The following PLCB4 variants were observed in gnomAD, a reference collection of about 807,000 sequenced individuals.
PLCB4 encodes the protein 1-phosphatidylinositol 4,5-bisphosphate phosphodiesterase beta-4.
A neutral mutation model predicts 178.8 loss-of-function variants in PLCB4; 77 were observed. That is an observed-to-expected ratio of 0.43 (90% CI 0.36 to 0.52). The LOEUF is 0.52. Among genes scored for constraint, PLCB4 ranks in the 20% least tolerant of loss-of-function variants. The probability of loss-of-function intolerance (pLI) is 0.00; values close to 1 mark genes in which losing one functional copy is unlikely to be tolerated. For missense variants in PLCB4, 1,024 were observed against 1,453.4 expected (o/e 0.70, Z 4.80); for synonymous variants, 496 against 490.8 (o/e 1.01, Z -0.14).
At chr20:9,467,377 T>C (rs146501727) in intron 35 of PLCB4, among the ~76,000 whole-genome samples, 1,537 of 152,292 alleles carry the variant, frequency 0.01, 25 homozygotes, top group African/African-American at 0.035. Context: ...TGTATACCTA[T>C]GTATCAATCC....
intron 4 of PLCB4, among the ~76,000 whole-genome samples, chr20:9,328,462 C>T (rs551629853): frequency 1.1e-4 from 16 of 152,154 alleles, no homozygotes; most frequent in East Asian, 1.9e-4. Context: ...GTAGGATTCA[C>T]GGGGAATCCA....
rs770400599 is a variant in PLCB4, at chr20:9,453,419, T to A, written c.2953T>A (p.Ser985Thr). ...TGTGGCACAGTATGACAAAGAGAAG[T>A]CGACTCATGAGAAAATCCTAGAGAA... ...KIVAQYDKEK[S>T]THEKILEKAM... The change falls in exon 33 of 40, where the codon TCG (serine) becomes ACG (threonine). Residue 985 changes from serine (S) to threonine (T), a missense_variant. Transcript: ENST00000378473. The A allele has an allele frequency of 6.8e-6, 11 of 1,612,114 alleles. No individual in the cohort carries two copies. The African/African-American group carries it at 1.5e-4, about 22-fold the overall frequency.
At chr20:9,345,831 T>A (rs1318746544) in intron 7 of PLCB4, among the ~76,000 whole-genome samples, 5 of 152,218 alleles carry the variant, frequency 3.3e-5, no homozygotes, top group African/African-American at 9.6e-5. Flanking sequence ...TCAGGTTATT[T>A]GTTACCAGTA....
At chr20:9,295,754 G>T (rs1411031090) in intron 3 of PLCB4, among the ~76,000 whole-genome samples, 1 of 151,998 alleles carries the variant, frequency 6.6e-6, no homozygotes, top group African/African-American at 2.4e-5. Flanking sequence ...TATTTCTGAG[G>T]GCTCTGTTCT....
chr20:9,119,573 G>A (rs1446395031), intron 2 of PLCB4, among the ~76,000 whole-genome samples: 1 of 150,690 alleles, frequency 6.6e-6, no homozygotes, highest in East Asian at 1.9e-4. Context: ...TACAGTTTTA[G>A]GAGAGATGAA....
intron 2 of PLCB4, among the ~76,000 whole-genome samples, chr20:9,202,178 A>T (rs1464924518): frequency 1.3e-5 from 2 of 152,196 alleles, no homozygotes; most frequent in Non-Finnish European, 2.9e-5. Flanking sequence ...AGTAAAGGCA[A>T]CATTGTAGGA....
At chr20:9,320,203 T>A (rs1280473954) in intron 4 of PLCB4, among the ~76,000 whole-genome samples, 2 of 152,190 alleles carry the variant, frequency 1.3e-5, no homozygotes, top group Admixed American at 6.5e-5. Context: ...TATTCATGAG[T>A]TTTCCAGGAA....
chr20:9,339,655 T>G (rs751793232), intron 7 of PLCB4, among the ~76,000 whole-genome samples: 1 of 152,180 alleles, frequency 6.6e-6, no homozygotes, highest in African/African-American at 2.4e-5. Context: ...TACTAAGTCT[T>G]AGAAATCTGA....
In PLCB4 at chr20:9,472,954, A is replaced by G. The variant is rs981030964; in HGVS notation, c.3408+107A>G. On this transcript the variant is annotated intron_variant, in intron 37 of 39. Coordinates refer to ENST00000378473, the MANE Select transcript of PLCB4 (RefSeq NM_001377142.1). ...AATTTGTTTAATTTGATTTTTCTGT[A>G]CATTAAACATTCCAGCTTCTCTGCT... The G allele has an allele frequency of 6.2e-6, 4 of 640,098 alleles. No homozygotes were observed. In the Admixed American group the frequency reaches 8.9e-5, roughly 14 times the overall value. The allele number at this position is 640,098 out of a possible 1,614,324, so 39.7% of individuals were successfully genotyped here.
At chr20:9,121,467 A>G (rs11697355) in intron 2 of PLCB4, among the ~76,000 whole-genome samples, 19,902 of 152,120 alleles carry the variant, frequency 0.13, 1,513 homozygotes, top group Middle Eastern at 0.19. Flanking sequence ...TTTAATTTCA[A>G]TTAGTCAGTC....
intron 30 of PLCB4, among the ~76,000 whole-genome samples, chr20:9,438,085 G>A (rs1173696148): frequency 2.6e-5 from 4 of 151,994 alleles, no homozygotes; most frequent in Admixed American, 1.3e-4. Flanking sequence ...GGCAGCTTGA[G>A]GCCAGGTGCA....
At chr20:9,387,644 A>G (rs2037788828) in intron 15 of PLCB4, 88 bp downstream of exon 15, 1 of 622,146 alleles carries the variant, frequency 1.6e-6, no homozygotes, top group South Asian at 2.5e-5. Flanking sequence ...CAAATGATTC[A>G]TTTTCTCAAG....
chr20:9,165,793 T>TTGTGTGTGTGTG lies in PLCB4; in HGVS notation c.-78-51567_-78-51556dup, dbSNP rs3036061. ...GATGGATGGGTAAACCTGGGGCTGT[T>TTGTGTGTGTGTG]TGTGTGTGTGTGTGTGTGTGTGTGT... On this transcript the variant is annotated intron_variant, in intron 2 of 39. Coordinates refer to ENST00000378473, the MANE Select transcript of PLCB4 (RefSeq NM_001377142.1). 2.6e-3 allele frequency among the ~76,000 whole-genome samples: 362 copies of TTGTGTGTGTGTG among 139,744 alleles called. 2 individuals carry two copies. Among genetic ancestry groups the TTGTGTGTGTGTG allele is most frequent in the African/African-American group, 7.9e-3 (300 of 37,796 alleles). 91.7% of individuals were successfully genotyped at this position (139,744 alleles called of 152,430 possible).
At chr20:9,363,376 A>G (rs2148241742) in intron 8 of PLCB4, among the ~76,000 whole-genome samples, 1 of 152,288 alleles carries the variant, frequency 6.6e-6, no homozygotes, top group South Asian at 2.1e-4. Flanking sequence ...TGTGACCAAG[A>G]GACGCACTTG....
At chr20:9,446,683 C>A (rs1278608384) in intron 32 of PLCB4, among the ~76,000 whole-genome samples, 1 of 152,178 alleles carries the variant, frequency 6.6e-6, no homozygotes, top group Non-Finnish European at 1.5e-5. Context: ...GAGTTTAAGA[C>A]CAGCCTGGCC....
In PLCB4 at chr20:9,372,246, T is replaced by G. The variant is rs1357584931; in HGVS notation, c.586-57T>G. 6 of 976,272 alleles carry G rather than the reference T, an allele frequency of 6.1e-6. No individual in the cohort carries two copies. The African/African-American group carries it at 9.7e-5, about 16-fold the overall frequency. The allele number at this position is 976,272 out of a possible 1,614,324, so 60.5% of individuals were successfully genotyped here. ...CTGTGCTTCATGACCCTGTAGCTTC[T>G]CACCCTCCAAGGGAAAAACGGTTCT... On this transcript the variant is annotated intron_variant, in intron 10 of 39. Transcript: ENST00000378473.
intron 2 of PLCB4, among the ~76,000 whole-genome samples, chr20:9,125,684 T>G (rs997319951): frequency 6.6e-6 from 1 of 152,100 alleles, no homozygotes; most frequent in South Asian, 2.1e-4. Flanking sequence ...AAGGAGAAAA[T>G]AAAAGGATGT....
intron 7 of PLCB4, 112 bp downstream of exon 7, chr20:9,339,149 T>G (rs1343995069): frequency 1.2e-6 from 1 of 813,036 alleles, no homozygotes; most frequent in Non-Finnish European, 1.9e-6. Flanking sequence ...AATTTAAAAG[T>G]TAGCATTGCT....
At chr20:9,289,679 T>C (rs1000871283) in intron 3 of PLCB4, among the ~76,000 whole-genome samples, 3 of 151,948 alleles carry the variant, frequency 2.0e-5, no homozygotes, top group African/African-American at 7.3e-5. Flanking sequence ...ATCTTTAGAG[T>C]GTTTTTTTAC....
Sources: allele counts gnomAD v4.1 joint callset (sites outside exome capture counted in the v4.1 genomes callset), GRCh38; gene constraint gnomAD v4.1.1; transcripts MANE v1.5; gene names NCBI Gene and HGNC (gene_info 2026-07-23, HGNC 2026-07-21).